Variants in CCDC57 observed in about 807,000 individuals in gnomAD.
CCDC57 encodes the protein coiled-coil domain containing 57.
In CCDC57, 118 loss-of-function variants were observed where a neutral mutation model predicts 118.9. The observed-to-expected ratio is 0.99, with a 90% CI of 0.86 to 1.16. CCDC57 has a LOEUF of 1.16. Among genes scored for constraint, CCDC57 ranks in the 50% most tolerant of loss-of-function variants. The pLI is 0.00. For synonymous variants in CCDC57, 527 were observed against 532.9 expected, an observed-to-expected ratio of 0.99 and a Z score of 0.15; for missense variants, 1,300 against 1,320.7, an observed-to-expected ratio of 0.98 and a Z score of 0.24.
At chr17:82,197,791 C>T (rs2048494225) in intron 4 of CCDC57, among the ~76,000 whole-genome samples, 1 of 152,188 alleles carries the variant, frequency 6.6e-6, no homozygotes, top group African/African-American at 2.4e-5. Flanking sequence ...AGGGTGAACT[C>T]GCTCTCTCTG....
intron 18 of CCDC57, 104 bp downstream of exon 17, chr17:82,128,389 T>C: frequency 2.8e-6 from 2 of 723,138 alleles, no homozygotes; most frequent in Non-Finnish European, 4.5e-6. Context: ...AAGGCAGGCA[T>C]GCAGAGCGAA....
At chr17:82,121,527 C>A (rs2036678721) in intron 19 of CCDC57, among the ~76,000 whole-genome samples, 1 of 152,242 alleles carries the variant, frequency 6.6e-6, no homozygotes, top group South Asian at 2.1e-4. Flanking sequence ...GGGCTCTGGG[C>A]AGCTTCTCCC....
intron 19 of CCDC57, among the ~76,000 whole-genome samples, chr17:82,123,363 A>C (rs1282192396): frequency 6.7e-6 from 1 of 148,950 alleles, no homozygotes; most frequent in Non-Finnish European, 1.5e-5. Flanking sequence ...CTCTGAGTTC[A>C]AGCGATCCTC....
At chr17:82,151,875 G>A in intron 15 of CCDC57, 102 bp from the exon 15 acceptor site, 4 of 974,482 alleles carry the variant, frequency 4.1e-6, no homozygotes, top group Non-Finnish European at 5.9e-6. Flanking sequence ...CTTCCAGGGT[G>A]GGCACTGCTG....
rs1240168926 is a variant in CCDC57, at chr17:82,212,562, G to T, written c.-211+223C>A. Among the ~76,000 whole-genome samples, 1 of 152,018 alleles carries T rather than the reference G, an allele frequency of 6.6e-6. No individual in the cohort carries two copies. Among genetic ancestry groups the T allele is most frequent in the South Asian group, 2.1e-4 (1 of 4,828 alleles). Reference sequence around the variant, plus strand: ...CACGGGAGACCGAGGGAACGCTCCCGCTCCACGCGGCCGCAACCCCCGCCC... The same window carrying T: ...CACGGGAGACCGAGGGAACGCTCCCTCTCCACGCGGCCGCAACCCCCGCCC... On this transcript the variant is annotated intron_variant, in intron 1 of 19. Coordinates refer to ENST00000665763, the Ensembl canonical transcript of CCDC57. This position sits in a 1 kb window ranked among gnomAD's most constrained non-coding sequence, Gnocchi z 4.1.
chr17:82,159,253 A>G (rs2043030537), intron 14 of CCDC57, among the ~76,000 whole-genome samples: 1 of 151,166 alleles, frequency 6.6e-6, no homozygotes. Flanking sequence ...CCTGCCTCAG[A>G]CTCCCAAAGT....
chr17:82,158,742 C>T (rs895488351), intron 14 of CCDC57, among the ~76,000 whole-genome samples: 3 of 150,818 alleles, frequency 2.0e-5, no homozygotes, highest in Non-Finnish European at 4.4e-5. Flanking sequence ...TTATTTTATT[C>T]AGACGGCATC....
At chr17:82,151,194 C>A (rs1464240137) in intron 16 of CCDC57, among the ~76,000 whole-genome samples, 2 of 102,240 alleles carry the variant, frequency 2.0e-5, no homozygotes, top group East Asian at 5.2e-4. Flanking sequence ...CACCCAGAAC[C>A]AGGCGCACAT....
At chr17:82,206,202 C>T (rs915147918) in intron 2 of CCDC57, among the ~76,000 whole-genome samples, 2 of 152,264 alleles carry the variant, frequency 1.3e-5, no homozygotes, top group African/African-American at 4.8e-5. Flanking sequence ...GCTGGAACAG[C>T]ATGGGTGGGC....
chr17:82,150,209 G>A (rs373754116), intron 16 of CCDC57, among the ~76,000 whole-genome samples: 20 of 125,560 alleles, frequency 1.6e-4, no homozygotes, highest in African/African-American at 1.9e-4. Context: ...AGAACCAGGC[G>A]CACACCCAGA....
At chr17:82,185,870 A>G (rs1448339853) in intron 8 of CCDC57, among the ~76,000 whole-genome samples, 2 of 152,196 alleles carry the variant, frequency 1.3e-5, no homozygotes, top group East Asian at 3.8e-4. Context: ...TAAGAAAGAA[A>G]AAAAGGAACT....
intron 16 of CCDC57, among the ~76,000 whole-genome samples, chr17:82,144,400 A>G (rs562022109): frequency 6.6e-6 from 1 of 152,342 alleles, no homozygotes; most frequent in East Asian, 1.9e-4. Context: ...ACAGATACAT[A>G]GCATGTACTC....
At chr17:82,158,063 T>G (rs1465774618) in intron 14 of CCDC57, 115 bp from the exon 14 acceptor site, 2 of 1,452,018 alleles carry the variant, frequency 1.4e-6, no homozygotes, top group Non-Finnish European at 1.8e-6. Flanking sequence ...GAGCCCGGGG[T>G]CAGGGCCTCC....
intron 19 of CCDC57, among the ~76,000 whole-genome samples, chr17:82,110,619 A>G (rs1045625810): frequency 6.6e-6 from 1 of 152,264 alleles, no homozygotes; most frequent in Non-Finnish European, 1.5e-5. Context: ...AATTCATTTC[A>G]AATGTAACAC....
intron 8 of CCDC57, among the ~76,000 whole-genome samples, chr17:82,187,210 C>G (rs1362112411): frequency 8.5e-5 from 12 of 141,488 alleles, no homozygotes; most frequent in Non-Finnish European, 1.8e-4. Flanking sequence ...GCACTCCAGC[C>G]TCGGTAACAG....
chr17:82,183,927 C>T lies in CCDC57; in HGVS notation c.1058G>A (p.Arg353His), dbSNP rs557708547. ...AGATTTTACAGTTGATGCATCTTCA[C>T]GAAGTCTAAACATAGAAGGGAAACT... Residue 353 changes from arginine (R) to histidine (H), a missense_variant, in exon 9 of 20, where the codon CGT becomes CAT. Physicochemically the swap from Arg to His is conservative, Grantham distance 29 (BLOSUM62 0). Transcript: ENST00000665763. The T allele has an allele frequency of 6.6e-5, 106 of 1,611,784 alleles. 1 individual carries two copies. The South Asian group carries it at 8.9e-4, about 14-fold the overall frequency.
chr17:82,172,755 T>C lies in CCDC57; in HGVS notation c.1612A>G (p.Met538Val), dbSNP rs2044909381. 1 of 1,611,366 alleles carries C rather than the reference T, an allele frequency of 6.2e-7. No homozygotes were observed. Among genetic ancestry groups the C allele is most frequent in the Non-Finnish European group, 8.5e-7 (1 of 1,178,844 alleles). Reference sequence around the variant, plus strand: ...CTTAGAGCCTCCATTTCTTTCCTCATCTGGGCAATCGCGTTTCGCAAGCTC... The same window carrying C: ...CTTAGAGCCTCCATTTCTTTCCTCACCTGGGCAATCGCGTTTCGCAAGCTC... Residue 538 changes from methionine (M) to valine (V), a missense_variant, in exon 12 of 20, where the codon ATG becomes GTG. Physicochemically the swap from Met to Val is conservative, Grantham distance 21. Transcript: ENST00000665763. The surrounding 1 kb of genome is among the most constrained non-coding windows in gnomAD (Gnocchi z 5.2).
chr17:82,103,651 GC>G (rs2034627924), intron 19 of CCDC57, among the ~76,000 whole-genome samples: 1 of 152,258 alleles, frequency 6.6e-6, no homozygotes, highest in Non-Finnish European at 1.5e-5. Context: ...TGGGGGCTTT[GC>G]CCGGCTTGAT....
chr17:82,195,498 G>A (rs901385165), intron 4 of CCDC57, 134 bp from the exon 4 acceptor site: 35 of 718,010 alleles, frequency 4.9e-5, no homozygotes, highest in Middle Eastern at 3.5e-4. Flanking sequence ...CACTGTCCAG[G>A]AGAGAAGCTG....
Sources: allele counts gnomAD v4.1 joint callset (sites outside exome capture counted in the v4.1 genomes callset), GRCh38; gene constraint gnomAD v4.1.1; non-coding constraint Gnocchi (gnomAD v3.1); transcripts MANE v1.5; gene names NCBI Gene and HGNC (gene_info 2026-07-23, HGNC 2026-07-21).